Variants in FRS3 observed in about 807,000 individuals in gnomAD.
FRS3 encodes the protein FGFR substrate 3.
In FRS3, 17 loss-of-function variants were observed where a neutral mutation model predicts 41.9. That is an observed-to-expected ratio of 0.41 (90% confidence interval 0.28 to 0.61). FRS3 has a LOEUF of 0.61. Ranked by LOEUF, FRS3 falls within the 20% of genes least tolerant of loss-of-function variation. The probability of loss-of-function intolerance (pLI) is 0.36; values close to 1 mark genes in which losing one functional copy is unlikely to be tolerated. For missense variants in FRS3, 619 were observed against 672.1 expected (o/e 0.92, Z 0.87); for synonymous variants, 287 against 274.5 (o/e 1.05, Z -0.45).
intron 1 of FRS3, among the ~76,000 whole-genome samples, chr6:41,779,392 A>G (rs1173720447): frequency 6.6e-6 from 1 of 151,986 alleles, no homozygotes; most frequent in African/African-American, 2.4e-5. Context: ...GGATAGTGCA[A>G]GGAGAATGGG....
chr6:41,778,719 G>A (rs1305700648), intron 1 of FRS3, among the ~76,000 whole-genome samples: 4 of 152,106 alleles, frequency 2.6e-5, no homozygotes, highest in East Asian at 1.9e-4. Flanking sequence ...AGGTAAAAAC[G>A]TAAGACAAAC....
At chr6:41,772,657 T>A (rs1052188699) in intron 5 of FRS3, 141 bp downstream of exon 5, 20 of 926,820 alleles carry the variant, frequency 2.2e-5, no homozygotes, top group Non-Finnish European at 3.2e-5. Context: ...ATGGTTCTGA[T>A]CATGGACAAC....
intron 2 of FRS3, 52 bp from the exon 3 acceptor site, chr6:41,777,062 C>G: frequency 7.3e-7 from 1 of 1,369,578 alleles, no homozygotes; most frequent in Non-Finnish European, 1.0e-6. Context: ...TTCAAAAAAC[C>G]CTGCTCTGGG....
At chr6:41,779,402 G>A (rs1772480980) in intron 1 of FRS3, among the ~76,000 whole-genome samples, 2 of 152,108 alleles carry the variant, frequency 1.3e-5, no homozygotes, top group South Asian at 2.1e-4. Context: ...AGGAGAATGG[G>A]GATATGAGGG....
chr6:41,779,831 G>C lies in FRS3; in HGVS notation c.-183C>G, dbSNP rs1386939150. 6.8e-6 allele frequency: 1 copy of C among 145,986 alleles called. No individual in the cohort carries two copies. Among genetic ancestry groups the C allele is most frequent in the Non-Finnish European group, 1.5e-5 (1 of 65,808 alleles). 9.0% of individuals were successfully genotyped at this position (145,986 alleles called of 1,614,324 possible). A position where few individuals can be genotyped will look rare whatever the true frequency, so the allele number is the denominator to read the frequency against. On this transcript the variant is annotated 5_prime_UTR_variant, in exon 1 of 7. Transcript: ENST00000373018. ...CCCGACTCACATCGCCCCGCGGCCC[G>C]GGCGGCGCCGGGCCCCGCTCCCGGG...
chr6:41,770,760 G>T lies in FRS3; in HGVS notation c.1338C>A (p.Thr446=), dbSNP rs1349457698. 1 of 1,613,724 alleles carries T rather than the reference G, an allele frequency of 6.2e-7. No homozygotes were observed. The change falls in exon 7 of 7, where the codon ACC becomes ACA. Residue 446 remains threonine (T), a synonymous_variant. Transcript: ENST00000373018. ...PSSPQAPMPT[T]HPARSSDSYA... is the part of the protein sequence containing the mutation. ...AGGAGTCTGAGCTTCGGGCAGGGTGGGTGGTGGGCATGGGGGCTTGGGGGC... is the reference window on the plus strand; with the variant it reads ...AGGAGTCTGAGCTTCGGGCAGGGTGTGTGGTGGGCATGGGGGCTTGGGGGC...
chr6:41,775,116 C>G (rs185552584), intron 4 of FRS3, among the ~76,000 whole-genome samples: 261 of 152,310 alleles, frequency 1.7e-3, no homozygotes, highest in African/African-American at 6.0e-3. Context: ...CTCTGCACAG[C>G]CATAATCCCA....
rs1772426785 is a variant in FRS3 at position 41,777,030 on chromosome 6, T to C, written c.-23-20A>G. The C allele has an allele frequency of 6.3e-7, 1 of 1,576,656 alleles. No individual in the cohort carries two copies. On this transcript the variant is annotated intron_variant, in intron 2 of 6. Coordinates refer to ENST00000373018, the MANE Select transcript of FRS3 (RefSeq NM_006653.5). ...CCTGCCCTAGGAAAAACATACAGGA[T>C]ATGCAGGTCACCAACTTCAGCTTCA... is the stretch of plus-strand genomic sequence containing the variant.
At chr6:41,778,356 G>A (rs1772454007) in intron 1 of FRS3, among the ~76,000 whole-genome samples, 180 bp from the exon 2 acceptor site, 1 of 152,042 alleles carries the variant, frequency 6.6e-6, no homozygotes, top group African/African-American at 2.4e-5. Context: ...AAGCCCCACG[G>A]GCCCTGAGAG....
intron 3 of FRS3, 168 bp downstream of exon 3, chr6:41,776,754 T>C: frequency 1.6e-6 from 1 of 633,100 alleles, no homozygotes; most frequent in Non-Finnish European, 2.9e-6. Flanking sequence ...TCTGGGCCTC[T>C]TTTCCTCAGG....
intron 1 of FRS3, among the ~76,000 whole-genome samples, chr6:41,778,872 C>G (rs905385310): frequency 3.3e-5 from 5 of 152,194 alleles, no homozygotes; most frequent in African/African-American, 1.2e-4. Context: ...TTCAGGATAT[C>G]TGAGCCCAAG....
At position 41,776,569 on chromosome 6, in the gene FRS3, A is replaced by G. The variant is rs188272848; in HGVS notation, c.66+353T>C. ...GAGCCACCGTGCCTGGCCACTAAGC[A>G]CTATTTTAAATACTTTACGTATATT... On this transcript the variant is annotated intron_variant, in intron 3 of 6. Transcript: ENST00000373018. 3.0e-4 allele frequency: 59 copies of G among 196,618 alleles called. No homozygotes were observed. The East Asian group carries it at 4.6e-3, about 15-fold the overall frequency. 12.2% of individuals were successfully genotyped at this position (196,618 alleles called of 1,614,324 possible). A position where few individuals can be genotyped will look rare whatever the true frequency, so the allele number is the denominator to read the frequency against.
chr6:41,771,420 A>G lies in FRS3; in HGVS notation c.678T>C (p.Pro226=), dbSNP rs912190094. Residue 226 remains proline (P), a synonymous_variant, in exon 7 of 7, where the codon CCT becomes CCC. Transcript: ENST00000373018. ...QAPFLPQARG[P]DQRDPQVFLQ... is the part of the protein sequence containing the mutation. ...AGAACACCTGTGGGTCCCGTTGGTCAGGTCCCCGGGCCTGCGGGAGGAAGG... is the reference window on the plus strand; with the variant it reads ...AGAACACCTGTGGGTCCCGTTGGTCGGGTCCCCGGGCCTGCGGGAGGAAGG... The G allele has an allele frequency of 1.7e-5, 28 of 1,613,058 alleles. No individual in the cohort carries two copies. The highest frequency in any genetic ancestry group is 2.3e-5 in the Non-Finnish European group (27 of 1,179,626).
rs955785291 is a variant in FRS3 at position 41,770,308 on chromosome 6, C to T, written c.*311G>A. The T allele has an allele frequency of 2.5e-5, 9 of 356,386 alleles. No individual in the cohort carries two copies. The highest frequency in any genetic ancestry group is 8.4e-5 in the South Asian group (1 of 11,918). The allele number at this position is 356,386 out of a possible 1,614,324, so 22.1% of individuals were successfully genotyped here. ...AAATTCCAACCAAAAAAAACACACA[C>T]GGACAGTCGGCAGACAAGACAAATG... On this transcript the variant is annotated 3_prime_UTR_variant, in exon 7 of 7. Coordinates refer to ENST00000373018, the MANE Select transcript of FRS3 (RefSeq NM_006653.5).
At chr6:41,779,010 C>T (rs752574380) in intron 1 of FRS3, among the ~76,000 whole-genome samples, 3 of 152,132 alleles carry the variant, frequency 2.0e-5, no homozygotes, top group Non-Finnish European at 2.9e-5. Flanking sequence ...GGACCCCATC[C>T]CCTTGGTCTG....
chr6:41,776,973 G>C lies in FRS3; in HGVS notation c.15C>G (p.Cys5Trp). 3.7e-6 allele frequency: 6 copies of C among 1,614,096 alleles called. No homozygotes were observed. The highest frequency in any genetic ancestry group is 2.5e-6 in the Non-Finnish European group (3 of 1,179,932). Residue 5 changes from cysteine (C) to tryptophan (W), a missense_variant, in exon 3 of 7, where the codon TGC becomes TGG. Cys to Trp is a radical substitution (Grantham distance 215, BLOSUM62 -2). This residue lies in a region of FRS3 where 100 missense variants were observed against 138.1 expected (regional missense o/e 0.72). Transcript: ENST00000373018. MGSC[C>W]SCLNRDSVPD... ...GAACGCTGTCTCTGTTCAGGCAGCT[G>C]CAGCAGCTCCCCATGGTGTCAGAGC...
intron 5 of FRS3, among the ~76,000 whole-genome samples, chr6:41,772,273 G>T (rs946689215): frequency 2.2e-4 from 34 of 152,146 alleles, no homozygotes; most frequent in African/African-American, 8.0e-4. Context: ...TTCTAGGTCT[G>T]CCAGTAAGGT....
Position 41,771,916 on chromosome 6 carries a change from C to G in FRS3, c.464G>C (p.Gly155Ala), listed in dbSNP as rs1302911808. ...SSFSNGCPGE[G>A]PRFSAPRRLS... is the part of the protein sequence containing the mutation. ...CCGCCGGGGAGCTGAGAATCGTGGGCCCTCTCCAGGGCAGCCATTGGAAAA... is the reference window on the plus strand; with the variant it reads ...CCGCCGGGGAGCTGAGAATCGTGGGGCCTCTCCAGGGCAGCCATTGGAAAA... The change falls in exon 6 of 7, where the codon GGC becomes GCC. Residue 155 changes from glycine to alanine, a missense_variant. By Grantham distance (60) the Gly-to-Ala change is moderately conservative (BLOSUM62 0). Around this residue, in one of 3 missense-constraint regions of FRS3, gnomAD observed 487 missense variants for 478.3 expected, o/e 1.02. Transcript: ENST00000373018. 6.4e-7 allele frequency: 1 copy of G among 1,559,226 alleles called. No homozygotes were observed. The highest frequency in any genetic ancestry group is 8.7e-7 in the Non-Finnish European group (1 of 1,151,394).
intron 1 of FRS3, among the ~76,000 whole-genome samples, chr6:41,779,358 A>C (rs1772479520): frequency 6.6e-6 from 1 of 151,922 alleles, no homozygotes; most frequent in Non-Finnish European, 1.5e-5. Context: ...AAACATGAGC[A>C]AGAATTTTGG....
Sources: gnomAD v4.1 joint callset for allele counts (sites outside exome capture counted in the v4.1 genomes callset) on GRCh38, gnomAD v4.1.1 for gene constraint, gnomAD v4.1.1 regional missense constraint, MANE v1.5 for transcripts, NCBI Gene and HGNC (gene_info 2026-07-23, HGNC 2026-07-21) for gene names.